The following TMEM9 variants were observed in gnomAD, a reference collection of about 807,000 sequenced individuals.
The protein encoded by TMEM9 is proton-transporting V-type ATPase complex assembly regulator TMEM9.
Under a neutral mutation model 22.8 loss-of-function variants are expected in TMEM9, and 13 were observed. The observed-to-expected ratio is 0.57, with a 90% CI of 0.37 to 0.91. TMEM9 has a LOEUF of 0.91. Ranked by LOEUF, TMEM9 falls within the 40% of genes least tolerant of loss-of-function variation. The pLI, the probability that TMEM9 is intolerant of heterozygous loss-of-function variation, is 0.01. For missense variants in TMEM9, 182 were observed against 238.1 expected, an observed-to-expected ratio of 0.76 and a Z score of 1.55; for synonymous variants, 88 against 93.0, an observed-to-expected ratio of 0.95 and a Z score of 0.31.
intron 3 of TMEM9, among the ~76,000 whole-genome samples, chr1:201,145,891 G>A (rs1664915875): frequency 6.6e-6 from 1 of 152,204 alleles, no homozygotes; most frequent in Non-Finnish European, 1.5e-5. Flanking sequence ...GGGCCTGGGA[G>A]GTCAGAGCTG....
At chr1:201,156,098 C>T (rs1379955173), upstream of TMEM9, among the ~76,000 whole-genome samples, 1 of 152,150 alleles carries the variant, frequency 6.6e-6, no homozygotes, top group East Asian at 1.9e-4. Context: ...GAGTCTGTCA[C>T]CTCCAATGGA....
intron 3 of TMEM9, chr1:201,146,471 A>G: frequency 7.3e-6 from 4 of 551,572 alleles, no homozygotes; most frequent in Non-Finnish European, 1.3e-5. Flanking sequence ...AACTGTAAAG[A>G]ATGCAGGGAA....
chr1:201,151,926 T>G (rs1665455193), intron 1 of TMEM9, 74 bp from the exon 2 acceptor site: 1 of 1,170,862 alleles, frequency 8.5e-7, no homozygotes, highest in Non-Finnish European at 1.3e-6. Context: ...CTAGCAAGGT[T>G]GTCAACTTTC....
intron 1 of TMEM9, among the ~76,000 whole-genome samples, chr1:201,152,565 T>G (rs1394278558): frequency 6.6e-6 from 1 of 152,230 alleles, no homozygotes; most frequent in African/African-American, 2.4e-5. Flanking sequence ...GTCCCAGAAC[T>G]TAGGTGGGTC....
rs1220490163 is a variant in TMEM9 at position 201,146,802 on chromosome 1, C to T, written c.205G>A (p.Val69Met). The change falls in exon 3 of 5, where the codon GTG (valine) becomes ATG (methionine). Residue 69 changes from valine (V) to methionine (M), a missense_variant. Physicochemically the swap from Val to Met is conservative, Grantham distance 21. Transcript: ENST00000367330. ...TCGCACAGCAGGCAGTAGGCCTCCA[C>T]GTCATGGCCAGGCACTGGCATGGGC... ...VEPMPVPGHD[V>M]EAYCLLCECR... 24 of 1,614,122 alleles carry T rather than the reference C, an allele frequency of 1.5e-5. No homozygotes were observed. Among genetic ancestry groups the T allele is most frequent in the Non-Finnish European group, 1.9e-5 (22 of 1,180,056 alleles).
At chr1:201,163,917 A>G (rs1420122055) in intron 1 of TMEM9, among the ~76,000 whole-genome samples, 1 of 152,244 alleles carries the variant, frequency 6.6e-6, no homozygotes, top group Non-Finnish European at 1.5e-5. Flanking sequence ...TTCACATAAA[A>G]ACGTGTGCAT....
chr1:201,153,677 C>G, intron 1 of TMEM9, 181 bp downstream of exon 1: 1 of 1,437,312 alleles, frequency 7.0e-7, no homozygotes, highest in South Asian at 1.3e-5. Flanking sequence ...ACTCCTCACC[C>G]GCACTATCCT....
At chr1:201,169,236 T>A (rs1190905884) in intron 1 of TMEM9, among the ~76,000 whole-genome samples, 4 of 152,156 alleles carry the variant, frequency 2.6e-5, no homozygotes, top group Non-Finnish European at 5.9e-5. Context: ...AATCTAAGTT[T>A]CCCACTTACA....
At chr1:201,137,471 AACACAC>A (rs144662228) in intron 4 of TMEM9, among the ~76,000 whole-genome samples, 40,360 of 146,446 alleles carry the variant, frequency 0.28, 5,704 homozygotes, top group East Asian at 0.49. Context: ...CAAATTATCT[AACACAC>A]ACACACACAC....
chr1:201,170,939 G>A (rs1377418385), intron 1 of TMEM9, among the ~76,000 whole-genome samples: 2 of 152,210 alleles, frequency 1.3e-5, no homozygotes, highest in Non-Finnish European at 2.9e-5. Flanking sequence ...GGGAGGTGGC[G>A]TCCCGCAGAA....
chr1:201,162,034 A>C (rs1201567969), intron 1 of TMEM9, among the ~76,000 whole-genome samples: 1 of 152,242 alleles, frequency 6.6e-6, no homozygotes, highest in African/African-American at 2.4e-5. Flanking sequence ...TTGAATAATA[A>C]TTCCATGTAT....
upstream of TMEM9, among the ~76,000 whole-genome samples, chr1:201,155,408 G>A (rs190620541): frequency 1.8e-3 from 267 of 152,266 alleles, 1 homozygote; most frequent in African/African-American, 6.3e-3. Flanking sequence ...GGGTCCAGGT[G>A]GAATCAAGCC....
intron 1 of TMEM9, among the ~76,000 whole-genome samples, chr1:201,160,589 C>CA (rs1004689444): frequency 2.2e-4 from 31 of 141,024 alleles, no homozygotes; most frequent in African/African-American, 5.5e-4. Context: ...AAATCTGTCT[C>CA]AAAAAAAAAA....
At chr1:201,136,708 G>A (rs905209113) in intron 4 of TMEM9, among the ~76,000 whole-genome samples, 1 of 152,210 alleles carries the variant, frequency 6.6e-6, no homozygotes, top group Non-Finnish European at 1.5e-5. Flanking sequence ...CGGAGCCTCT[G>A]CATTTCCTGC....
intron 1 of TMEM9, among the ~76,000 whole-genome samples, chr1:201,152,395 T>C (rs6694122): frequency 0.73 from 110,689 of 152,120 alleles, 40,482 homozygotes; most frequent in Non-Finnish European, 0.77. Context: ...GTAAGAGATA[T>C]CACCATAAAT....
At chr1:201,146,485 G>T in intron 3 of TMEM9, 1 of 577,254 alleles carries the variant, frequency 1.7e-6, no homozygotes, top group Non-Finnish European at 3.1e-6. Context: ...CAGGGAAAAA[G>T]GAGTCTCCAG....
Position 201,160,637 on chromosome 1 carries a change from T to TAAAAAA in TMEM9, c.-36-6679_-36-6678insTTTTTT, listed in dbSNP as rs368648796. On this transcript the variant is annotated intron_variant, in intron 1 of 5. Transcript: ENST00000367333. ...ACTGGGGAAATTTTTTTTTTTTTTT[T>TAAAAAA]AAAATCGAGGACCCTAGGGCTGGGC... 5.1e-4 allele frequency among the ~76,000 whole-genome samples: 77 copies of TAAAAAA among 149,814 alleles called. 1 individual carries two copies. Among genetic ancestry groups the TAAAAAA allele is most frequent in the African/African-American group, 8.4e-4 (34 of 40,622 alleles).
intron 1 of TMEM9, among the ~76,000 whole-genome samples, chr1:201,160,628 T>C (rs1665917190): frequency 2.3e-5 from 1 of 42,670 alleles, no homozygotes; most frequent in African/African-American, 4.6e-5. Flanking sequence ...GAAATTTTTT[T>C]TTTTTTTTTA....
intron 4 of TMEM9, among the ~76,000 whole-genome samples, chr1:201,138,870 A>G (rs1290049621): frequency 6.6e-6 from 1 of 152,248 alleles, no homozygotes; most frequent in South Asian, 2.1e-4. Context: ...CCTAGGACCC[A>G]GCTGGATCCT....
Sources: allele counts gnomAD v4.1 joint callset (sites outside exome capture counted in the v4.1 genomes callset), GRCh38; gene constraint gnomAD v4.1.1; transcripts MANE v1.5; gene names NCBI Gene and HGNC (gene_info 2026-07-23, HGNC 2026-07-21).